Variants in OTOP1 observed in about 807,000 individuals in gnomAD.
OTOP1 encodes the protein otopetrin 1.
Under a neutral mutation model 52.9 loss-of-function variants are expected in OTOP1, and 59 were observed. That is an observed-to-expected ratio of 1.12 (90% CI 0.91 to 1.39). The LOEUF is 1.39. Among genes scored for constraint, OTOP1 ranks in the 40% most tolerant of loss-of-function variants. The pLI, the probability that OTOP1 is intolerant of heterozygous loss-of-function variation, is 0.00. For synonymous variants in OTOP1, 317 were observed against 337.7 expected (o/e 0.94, Z 0.67); for missense variants, 761 against 800.9 (o/e 0.95, Z 0.60).
At chr4:4,203,528 G>A (rs1417389848) in intron 3 of OTOP1, among the ~76,000 whole-genome samples, 1 of 152,226 alleles carries the variant, frequency 6.6e-6, no homozygotes, top group Admixed American at 6.5e-5. Flanking sequence ...TCCTAAGGCA[G>A]AAGATAGAAA....
chr4:4,223,613 C>T (rs1717352839), intron 1 of OTOP1, among the ~76,000 whole-genome samples: 1 of 152,116 alleles, frequency 6.6e-6, no homozygotes, highest in South Asian at 2.1e-4. Context: ...ATTCTAAATG[C>T]ACCAGGCCGG....
At chr4:4,217,367 G>A (rs944991645) in intron 1 of OTOP1, among the ~76,000 whole-genome samples, 5 of 152,214 alleles carry the variant, frequency 3.3e-5, no homozygotes, top group African/African-American at 1.2e-4. Context: ...TGTGCGGCCT[G>A]GGAAACCAGA....
Position 4,197,233 on chromosome 4 carries a change from A to G in OTOP1, c.1601T>C (p.Leu534Ser). 1 of 1,614,186 alleles carries G rather than the reference A, an allele frequency of 6.2e-7. No individual in the cohort carries two copies. The highest frequency in any genetic ancestry group is 1.1e-5 in the South Asian group (1 of 91,080). The change falls in exon 5 of 6, where the codon TTA becomes TCA. Residue 534 changes from leucine (L) to serine (S), a missense_variant. Coordinates refer to ENST00000296358, the MANE Select transcript of OTOP1 (RefSeq NM_177998.3). ...GACTTTTCTCTTGGCGTTGCCCTGTAAGAAACGGGGAAGGCGGACTGGGCT... is the reference window on the plus strand; with the variant it reads ...GACTTTTCTCTTGGCGTTGCCCTGTGAGAAACGGGGAAGGCGGACTGGGCT... ...SPSPVRLPRF[L>S]QGNAKRKVLR...
At chr4:4,222,718 T>C (rs1577186225) in intron 1 of OTOP1, among the ~76,000 whole-genome samples, 1 of 152,230 alleles carries the variant, frequency 6.6e-6, no homozygotes, top group East Asian at 1.9e-4. Context: ...GGACTTGCCC[T>C]CTGCCTATTG....
At position 4,197,222 on chromosome 4, in the gene OTOP1, C is replaced by A; in HGVS notation, c.1612G>T (p.Ala538Ser). 2.1e-6 allele frequency: 3 copies of A among 1,418,522 alleles called. No individual in the cohort carries two copies. The highest frequency in any genetic ancestry group is 1.9e-6 in the Non-Finnish European group (2 of 1,056,760). 87.9% of individuals were successfully genotyped at this position (1,418,522 alleles called of 1,614,324 possible). A position where few individuals can be genotyped will look rare whatever the true frequency, so the allele number is the denominator to read the frequency against. Residue 538 changes from alanine to serine, a missense_variant, in exon 5 of 6, where the codon GCC becomes TCC. Ala to Ser is a moderately conservative substitution (Grantham distance 99, BLOSUM62 1). Around this residue, in one of 3 missense-constraint regions of OTOP1, gnomAD observed 632 missense variants for 619.5 expected, o/e 1.02. Transcript: ENST00000296358. Reference protein sequence around the residue: ...VRLPRFLQGNAKRKVLRNIAA... With the variant: ...VRLPRFLQGNSKRKVLRNIAA... ...ATATTCCTCAGGACTTTTCTCTTGG[C>A]GTTGCCCTGTAAGAAACGGGGAAGG...
chr4:4,214,001 A>G (rs1240966564), intron 1 of OTOP1, among the ~76,000 whole-genome samples: 1 of 152,100 alleles, frequency 6.6e-6, no homozygotes, highest in Non-Finnish European at 1.5e-5. Context: ...GAGGCAGGAG[A>G]ATCCCTTGAA....
At chr4:4,192,728 C>A (rs1353226261) in intron 5 of OTOP1, among the ~76,000 whole-genome samples, 1 of 152,150 alleles carries the variant, frequency 6.6e-6, no homozygotes, top group Admixed American at 6.6e-5. Flanking sequence ...GCACCTGTCA[C>A]CCTTCGCGAG....
At chr4:4,224,479 G>A (rs1447222017) in intron 1 of OTOP1, among the ~76,000 whole-genome samples, 1 of 151,778 alleles carries the variant, frequency 6.6e-6, no homozygotes, top group Admixed American at 6.6e-5. Context: ...GAGAAAGAAG[G>A]AACAAAAAAG....
chr4:4,221,486 A>T (rs1717300022), intron 1 of OTOP1, among the ~76,000 whole-genome samples: 1 of 152,260 alleles, frequency 6.6e-6, no homozygotes, highest in East Asian at 1.9e-4. Context: ...CTCCTCCCTG[A>T]ACCTCTCAGC....
Position 4,202,013 on chromosome 4 carries a change from A to G in OTOP1, c.730+435T>C, listed in dbSNP as rs141586525. 3.2e-4 allele frequency among the ~76,000 whole-genome samples: 48 copies of G among 152,374 alleles called. No individual in the cohort carries two copies. In the East Asian group the frequency reaches 7.7e-3, roughly 24 times the overall value. On this transcript the variant is annotated intron_variant, in intron 4 of 5. Transcript: ENST00000296358. ...GTTAAATTAAAACTTTAAATGAACT[A>G]CAGCCCATTAACCACAACCTACCAT...
chr4:4,220,969 G>C (rs1717287604), intron 1 of OTOP1, among the ~76,000 whole-genome samples: 1 of 152,092 alleles, frequency 6.6e-6, no homozygotes. Flanking sequence ...CTCAGGGCTA[G>C]GAGGCTCAAT....
At chr4:4,194,625 T>C (rs111676870) in intron 5 of OTOP1, among the ~76,000 whole-genome samples, 1 of 152,220 alleles carries the variant, frequency 6.6e-6, no homozygotes, top group African/African-American at 2.4e-5. Flanking sequence ...CTGCAGGCCC[T>C]GTATGCACCA....
At chr4:4,205,330 G>T (rs1458558835) in intron 3 of OTOP1, among the ~76,000 whole-genome samples, 1 of 152,146 alleles carries the variant, frequency 6.6e-6, no homozygotes, top group Non-Finnish European at 1.5e-5. Context: ...ATTATCAAGC[G>T]GCAGAAGGTT....
intron 2 of OTOP1, among the ~76,000 whole-genome samples, chr4:4,211,921 T>C (rs748378645): frequency 2.6e-5 from 4 of 152,198 alleles, no homozygotes; most frequent in Non-Finnish European, 5.9e-5. Flanking sequence ...AGACTATAGT[T>C]AATAATATTG....
At chr4:4,225,433 GCCATGTGTGT>G (rs1717407261) in intron 1 of OTOP1, among the ~76,000 whole-genome samples, 1 of 152,170 alleles carries the variant, frequency 6.6e-6, no homozygotes, top group Non-Finnish European at 1.5e-5. Flanking sequence ...GCTGGGCAAG[GCCATGTGTGT>G]CTATAGTTCC....
At position 4,216,244 on chromosome 4, in the gene OTOP1, T is replaced by A. The variant is rs1577183372; in HGVS notation, c.404-3240A>T. Among the ~76,000 whole-genome samples, 4 of 152,158 alleles carry A rather than the reference T, an allele frequency of 2.6e-5. No individual in the cohort carries two copies. The South Asian group carries it at 8.3e-4, about 32-fold the overall frequency. On this transcript the variant is annotated intron_variant, in intron 1 of 5. Coordinates refer to ENST00000296358, the MANE Select transcript of OTOP1 (RefSeq NM_177998.3). ...TGCCCAAAATATAAAAACAAACTAA[T>A]AAAAAATTTGCATATAAAAAAGACT...
intron 5 of OTOP1, among the ~76,000 whole-genome samples, chr4:4,192,233 C>T (rs1297995729): frequency 1.3e-5 from 2 of 152,144 alleles, no homozygotes; most frequent in Non-Finnish European, 1.5e-5. Flanking sequence ...CACCCTGAGA[C>T]GTCATGCTGG....
intron 4 of OTOP1, among the ~76,000 whole-genome samples, chr4:4,200,739 T>TC (rs397935023): frequency 6.7e-6 from 1 of 149,404 alleles, no homozygotes; most frequent in Non-Finnish European, 1.5e-5. Context: ...TTTTTTTTTT[T>TC]CAGAGCTGGG....
At chr4:4,224,074 CAT>C (rs1009951053) in intron 1 of OTOP1, among the ~76,000 whole-genome samples, 28 of 151,404 alleles carry the variant, frequency 1.8e-4, no homozygotes, top group African/African-American at 6.3e-4. Flanking sequence ...GGAGGCCAGG[CAT>C]GGTGGCTCAC....
Sources: allele counts gnomAD v4.1 joint callset (sites outside exome capture counted in the v4.1 genomes callset), GRCh38; gene constraint gnomAD v4.1.1; regional missense constraint gnomAD v4.1.1; transcripts MANE v1.5; gene names NCBI Gene and HGNC (gene_info 2026-07-23, HGNC 2026-07-21).